CCDC141: variants seen among roughly 807,000 people sequenced by gnomAD.
CCDC141 encodes coiled-coil domain containing 141.
In CCDC141, 168 loss-of-function variants were observed where a neutral mutation model predicts 181.0. The observed-to-expected ratio is 0.93, with a 90% CI of 0.82 to 1.05. The LOEUF (loss-of-function observed/expected upper bound fraction) is 1.05. CCDC141 is among the 50% of genes least tolerant of loss of function. The pLI is 0.00. For missense variants in CCDC141, 1,902 were observed against 1,788.5 expected (o/e 1.06, Z -1.14); for synonymous variants, 666 against 642.3 (o/e 1.04, Z -0.56).
Position 178,944,634 on chromosome 2 carries a change from C to T in CCDC141, c.798G>A (p.Gln266=). 1 of 1,511,512 alleles carries T rather than the reference C, an allele frequency of 6.6e-7. No individual in the cohort carries two copies. Among genetic ancestry groups the T allele is most frequent in the African/African-American group, 1.4e-5 (1 of 71,628 alleles). 93.6% of individuals were successfully genotyped at this position (1,511,512 alleles called of 1,614,324 possible). A position where few individuals can be genotyped will look rare whatever the true frequency, so the allele number is the denominator to read the frequency against. ...QQENQVTCWF[Q]KTIRNLQEQS... ...GTTCCTGTAAATTTCTTATAGTTTT[C>T]TGAAACCAACAAGTAACCTAGGTAA... The change falls in exon 6 of 24, where the codon CAG becomes CAA. Residue 266 remains glutamine, a synonymous_variant. Transcript: ENST00000443758.
chr2:178,997,797 T>C (rs1459244586), intron 2 of CCDC141, among the ~76,000 whole-genome samples: 1 of 152,230 alleles, frequency 6.6e-6, no homozygotes, highest in Non-Finnish European at 1.5e-5. Context: ...CTTTTAGCAA[T>C]TTCATAAGAT....
In CCDC141 at chr2:179,022,793, C is replaced by T. The variant is rs567570231; in HGVS notation, c.225+24491G>A. Among the ~76,000 whole-genome samples the T allele has an allele frequency of 5.3e-5, 8 of 152,218 alleles. No homozygotes were observed. In the South Asian group the frequency reaches 1.7e-3, roughly 32 times the overall value. On this transcript the variant is annotated intron_variant, in intron 2 of 23. Transcript: ENST00000443758. ...TTTACATTTTGTGTGTGTGTCCCTT[C>T]CAATGCCAAGGACAGAGGCACACAG...
At position 178,960,764 on chromosome 2, in the gene CCDC141, C is replaced by T. The variant is rs534389028; in HGVS notation, c.780+466G>A. 2.0e-5 allele frequency among the ~76,000 whole-genome samples: 3 copies of T among 152,294 alleles called. No homozygotes were observed. In the South Asian group the frequency reaches 6.2e-4, roughly 32 times the overall value. The stretch of plus-strand genomic sequence containing the variant: ...AGATCCTGCAGCTATGGGCCAAGGT[C>T]ATATTTTTTGATTGGCATCAGACTA... On this transcript the variant is annotated intron_variant, in intron 5 of 23. Transcript: ENST00000443758.
intron 2 of CCDC141, among the ~76,000 whole-genome samples, chr2:178,994,035 G>A (rs1000099664): frequency 2.6e-5 from 4 of 152,140 alleles, no homozygotes; most frequent in Non-Finnish European, 5.9e-5. Context: ...GCTTTCACTG[G>A]TTGGCATTGA....
chr2:178,869,250 C>G lies in CCDC141; in HGVS notation c.2261G>C (p.Arg754Thr). 1 of 1,613,640 alleles carries G rather than the reference C, an allele frequency of 6.2e-7. No individual in the cohort carries two copies. Among genetic ancestry groups the G allele is most frequent in the Non-Finnish European group, 8.5e-7 (1 of 1,179,778 alleles). The change falls in exon 15 of 24, where the codon AGA (arginine) becomes ACA (threonine). Residue 754 changes from arginine to threonine, a missense_variant. Transcript: ENST00000443758. ...IMKESEELTG[R>T]GAPVKEKSQQ... ...AGACTTTTCTTTTACAGGGGCTCCT[C>G]TGCCAGTTAACTCCTCTGATTCTTT...
At chr2:178,996,609 A>G (rs968715524) in intron 2 of CCDC141, among the ~76,000 whole-genome samples, 3 of 152,128 alleles carry the variant, frequency 2.0e-5, no homozygotes, top group Non-Finnish European at 2.9e-5. Flanking sequence ...TAATATTTTT[A>G]TTTTCCTACT....
At chr2:179,008,943 A>T (rs1575337695) in intron 2 of CCDC141, among the ~76,000 whole-genome samples, 2 of 152,208 alleles carry the variant, frequency 1.3e-5, no homozygotes, top group East Asian at 3.9e-4. Flanking sequence ...TTTTAGTGGC[A>T]TATGAGGCCT....
intron 2 of CCDC141, among the ~76,000 whole-genome samples, chr2:179,023,896 TCATAAAC>T (rs1325761446): frequency 6.6e-6 from 1 of 152,190 alleles, no homozygotes; most frequent in African/African-American, 2.4e-5. Context: ...TGTAAATACT[TCATAAAC>T]CATGCTTGAT....
chr2:178,889,182 CA>C (rs1257161274), intron 8 of CCDC141, among the ~76,000 whole-genome samples: 5 of 147,626 alleles, frequency 3.4e-5, no homozygotes, highest in African/African-American at 1.3e-4. Context: ...TTATCACCAA[CA>C]ATTAGAAATC....
chr2:178,956,235 C>T (rs990117556), intron 5 of CCDC141, among the ~76,000 whole-genome samples: 7 of 152,278 alleles, frequency 4.6e-5, no homozygotes, highest in Non-Finnish European at 7.4e-5. Context: ...CAACCACTGT[C>T]GCTGCTGTTA....
At chr2:178,902,107 T>G (rs35712193) in intron 8 of CCDC141, among the ~76,000 whole-genome samples, 7,860 of 151,488 alleles carry the variant, frequency 0.052, 304 homozygotes, top group African/African-American at 0.1. Context: ...AATAAAAGAG[T>G]ATACAAACAA....
At chr2:178,912,263 A>G (rs947930366) in intron 7 of CCDC141, among the ~76,000 whole-genome samples, 5 of 152,194 alleles carry the variant, frequency 3.3e-5, no homozygotes, top group African/African-American at 1.2e-4. Context: ...AGATGCAACA[A>G]TCTGATACTG....
chr2:178,975,021 C>T (rs1296935445), intron 4 of CCDC141, 36 bp downstream of exon 4: 2 of 1,094,250 alleles, frequency 1.8e-6, no homozygotes, highest in East Asian at 2.7e-5. Flanking sequence ...TTTAAAACCT[C>T]TAAACACTTC....
At chr2:178,973,305 T>G (rs2154380203) in intron 4 of CCDC141, among the ~76,000 whole-genome samples, 1 of 152,312 alleles carries the variant, frequency 6.6e-6, no homozygotes, top group Admixed American at 6.5e-5. Context: ...ATCTCTGTGC[T>G]TCAAGTATCA....
At chr2:178,974,881 A>C (rs1691051060) in intron 4 of CCDC141, among the ~76,000 whole-genome samples, 176 bp downstream of exon 4, 1 of 152,176 alleles carries the variant, frequency 6.6e-6, no homozygotes, top group South Asian at 2.1e-4. Context: ...CAGAATATTC[A>C]CAACTAGTTC....
chr2:178,975,646 TA>T (rs1691087026), intron 3 of CCDC141, among the ~76,000 whole-genome samples: 1 of 152,160 alleles, frequency 6.6e-6, no homozygotes, highest in Non-Finnish European at 1.5e-5. Context: ...GAAGTATAGT[TA>T]TTTTTTCCCT....
chr2:178,817,793 T>TCCTCCCTACCTC, the CCDC141 span: 19 of 218,290 alleles, frequency 8.7e-5, no homozygotes, highest in Non-Finnish European at 1.3e-4. Context: ...CTTCCTTCCT[T>TCCTCCCTACCTC]CCTCCCTCCC....
At chr2:178,951,878 T>C in intron 5 of CCDC141, among the ~76,000 whole-genome samples, 1 of 152,222 alleles carries the variant, frequency 6.6e-6, no homozygotes, top group East Asian at 1.9e-4. Context: ...TGAGAGTGAA[T>C]ATGGTCACAG....
chr2:178,826,745 G>A (rs962822582), downstream of CCDC141, among the ~76,000 whole-genome samples: 2 of 151,862 alleles, frequency 1.3e-5, no homozygotes, highest in Admixed American at 6.6e-5. Context: ...AGTAATTTGT[G>A]TCTTCTCTCT....
Sources: gnomAD v4.1 joint callset for allele counts (sites outside exome capture counted in the v4.1 genomes callset) on GRCh38, gnomAD v4.1.1 for gene constraint, MANE v1.5 for transcripts, NCBI Gene and HGNC (gene_info 2026-07-23, HGNC 2026-07-21) for gene names.